The following IYD variants were observed in gnomAD, a reference collection of about 807,000 sequenced individuals.
IYD encodes the protein iodotyrosine deiodinase, also known as iodotyrosine deiodinase 1.
In IYD, 25 loss-of-function variants were observed where a neutral mutation model predicts 28.4. The ratio of observed to expected loss-of-function variants is 0.88; its 90% CI spans 0.64 to 1.23. IYD has a LOEUF of 1.23. Among genes scored for constraint, IYD ranks in the 50% most tolerant of loss-of-function variants. The pLI is 0.00. For synonymous variants in IYD, 140 were observed against 130.8 expected (o/e 1.07, Z -0.48); for missense variants, 352 against 357.9 (o/e 0.98, Z 0.13).
Position 150,400,005 on chromosome 6 carries a change from A to G in IYD, c.*1768A>G, listed in dbSNP as rs1042206059. ...GCATGCTGCTCGGTACATGGTTAAC[A>G]TTCATAAATGGTGGGGGCCCTTACT... is the stretch of plus-strand genomic sequence containing the variant. On this transcript the variant is annotated 3_prime_UTR_variant, in exon 5 of 5. Coordinates refer to ENST00000344419, the MANE Select transcript of IYD (RefSeq NM_203395.3). 1 of 152,200 alleles carries G rather than the reference A, an allele frequency of 6.6e-6. No individual in the cohort carries two copies. Among genetic ancestry groups the G allele is most frequent in the Non-Finnish European group, 1.5e-5 (1 of 68,062 alleles). The allele number at this position is 152,200 out of a possible 1,614,324, so 9.4% of individuals were successfully genotyped here. A position where few individuals can be genotyped will look rare whatever the true frequency, so the allele number is the denominator to read the frequency against.
Position 150,394,269 on chromosome 6 carries a change from T to A in IYD, c.687+14T>A. On this transcript the variant is annotated intron_variant, in intron 4 of 4. Transcript: ENST00000344419. ...GCTGCCCTGCAGGTATGTTGAGACATCAAGGGTTACAGGGTGGCCTTATTA... is the reference window on the plus strand; with the variant it reads ...GCTGCCCTGCAGGTATGTTGAGACAACAAGGGTTACAGGGTGGCCTTATTA... 1 of 1,614,090 alleles carries A rather than the reference T, an allele frequency of 6.2e-7. No individual in the cohort carries two copies. Among genetic ancestry groups the A allele is most frequent in the Non-Finnish European group, 8.5e-7 (1 of 1,179,930 alleles).
At position 150,401,608 on chromosome 6, in the gene IYD, T is replaced by C. The variant is rs1453663703; in HGVS notation, c.*3371T>C. The C allele has an allele frequency of 1.3e-5, 2 of 152,204 alleles. No homozygotes were observed. The highest frequency in any genetic ancestry group is 2.9e-5 in the Non-Finnish European group (2 of 68,072). 9.4% of individuals were successfully genotyped at this position (152,204 alleles called of 1,614,324 possible). A position where few individuals can be genotyped will look rare whatever the true frequency, so the allele number is the denominator to read the frequency against. ...AAAGTAAGGATAATTTTCTTCCTTC[T>C]CACTGCAGCCCCAAGCTCTTATTAA... On this transcript the variant is annotated 3_prime_UTR_variant, in exon 5 of 5. Transcript: ENST00000344419.
Position 150,389,414 on chromosome 6 carries a change from T to A in IYD, c.241T>A (p.Tyr81Asn), listed in dbSNP as rs767219657. ...VEHIPFSHNH[Y>N]PEKEMVKRSQ... ...ACACATCCCCTTCTCTCATAACCAC[T>A]ATCCTGAGAAGGAAATGGTTAAGAG... The change falls in exon 2 of 5, where the codon TAT (tyrosine) becomes AAT (asparagine). Residue 81 changes from tyrosine to asparagine, a missense_variant. By Grantham distance (143) the Tyr-to-Asn change is moderately radical. Transcript: ENST00000344419. 1.9e-6 allele frequency: 3 copies of A among 1,613,564 alleles called. No individual in the cohort carries two copies. Among genetic ancestry groups the A allele is most frequent in the African/African-American group, 2.7e-5 (2 of 74,890 alleles).
intron 2 of IYD, among the ~76,000 whole-genome samples, chr6:150,391,552 G>A (rs1468597200): frequency 6.6e-6 from 1 of 152,154 alleles, no homozygotes; most frequent in Non-Finnish European, 1.5e-5. Context: ...TAGAGAAGCA[G>A]AGGTGAGTTC....
rs368126186 is a variant in IYD, at chr6:150,403,949, TTAAAAA to T, written c.*5722_*5727del. ...CGCCAACTTCCTTCTACTCTAATAA[TTAAAAA>T]TAAAAATAATACTTGGGAGGTAACT... On this transcript the variant is annotated 3_prime_UTR_variant, in exon 5 of 5. Coordinates refer to ENST00000344419, the MANE Select transcript of IYD (RefSeq NM_203395.3). The T allele has an allele frequency of 2.7e-5, 3 of 112,324 alleles. No homozygotes were observed. Among genetic ancestry groups the T allele is most frequent in the African/African-American group, 5.3e-5 (2 of 37,506 alleles). The allele number at this position is 112,324 out of a possible 1,614,324, so 7.0% of individuals were successfully genotyped here. A position where few individuals can be genotyped will look rare whatever the true frequency, so the allele number is the denominator to read the frequency against.
Position 150,389,547 on chromosome 6 carries a change from T to C in IYD, c.370+4T>C. The C allele has an allele frequency of 6.2e-7, 1 of 1,613,072 alleles. No individual in the cohort carries two copies. The highest frequency in any genetic ancestry group is 8.5e-7 in the Non-Finnish European group (1 of 1,179,092). Reference sequence around the variant, plus strand: ...GATAATGTCATCAGAACGGCAGGTTTGTAATTGCAGATGGGGTCTTTGGAA... The same window carrying C: ...GATAATGTCATCAGAACGGCAGGTTCGTAATTGCAGATGGGGTCTTTGGAA... On this transcript the variant is annotated splice_donor_region_variant and intron_variant, in intron 2 of 4. Coordinates refer to ENST00000344419, the MANE Select transcript of IYD (RefSeq NM_203395.3).
chr6:150,380,204 T>G (rs1225558721), intron 1 of IYD, among the ~76,000 whole-genome samples: 1 of 152,202 alleles, frequency 6.6e-6, no homozygotes, highest in Non-Finnish European at 1.5e-5. Flanking sequence ...TACATAGTAT[T>G]TGGTGTTTTG....
At chr6:150,371,370 G>C (rs184075610) in intron 1 of IYD, among the ~76,000 whole-genome samples, 1 of 152,180 alleles carries the variant, frequency 6.6e-6, no homozygotes, top group Admixed American at 6.5e-5. Context: ...TGTTTGCTGG[G>C]CTGCCTCTCC....
At position 150,401,764 on chromosome 6, in the gene IYD, G is replaced by A. The variant is rs1238032735; in HGVS notation, c.*3527G>A. On this transcript the variant is annotated 3_prime_UTR_variant, in exon 5 of 5. Coordinates refer to ENST00000344419, the MANE Select transcript of IYD (RefSeq NM_203395.3). ...AAACCAAAAAAATAATGGAATGATT[G>A]CATCACTGCGAGGAAGTATACTTAA... 1 of 152,196 alleles carries A rather than the reference G, an allele frequency of 6.6e-6. No individual in the cohort carries two copies. Among genetic ancestry groups the A allele is most frequent in the Admixed American group, 6.5e-5 (1 of 15,274 alleles). The allele number at this position is 152,196 out of a possible 1,614,324, so 9.4% of individuals were successfully genotyped here. A position where few individuals can be genotyped will look rare whatever the true frequency, so the allele number is the denominator to read the frequency against.
chr6:150,370,348 CACGTGTGTGCATGAGTGTGT>C, intron 1 of IYD: 1 of 249,342 alleles, frequency 4.0e-6, no homozygotes, highest in Non-Finnish European at 6.3e-6. Context: ...TGTGAGTGTG[CACGTGTGTGCATGAGTGTGT>C]GTGAGCATGC....
chr6:150,389,329 A>G (rs1054142316), intron 1 of IYD, 23 bp from the exon 2 acceptor site: 1 of 1,593,168 alleles, frequency 6.3e-7, no homozygotes, highest in Non-Finnish European at 8.6e-7. Context: ...TTAGTTTGTT[A>G]CCTTTCTTAT....
chr6:150,373,669 T>C (rs1276405371), intron 1 of IYD, among the ~76,000 whole-genome samples: 2 of 152,212 alleles, frequency 1.3e-5, no homozygotes, highest in African/African-American at 2.4e-5. Context: ...TACTGGCAAG[T>C]GCTATGAATC....
At chr6:150,379,577 GCTTT>G (rs2115026111) in intron 1 of IYD, among the ~76,000 whole-genome samples, 1 of 152,304 alleles carries the variant, frequency 6.6e-6, no homozygotes, top group Admixed American at 6.5e-5. Flanking sequence ...TACATTTGCT[GCTTT>G]GTTTAAATAT....
rs74454734 is a variant in IYD, at chr6:150,372,097, T to C, written c.178+2888T>C. Reference sequence around the variant, plus strand: ...GCAAATAGATACCAGATTGAAACCATTTTTAATATTAACAAGGTATTAAAT... The same window carrying C: ...GCAAATAGATACCAGATTGAAACCACTTTTAATATTAACAAGGTATTAAAT... On this transcript the variant is annotated intron_variant, in intron 1 of 4. Coordinates refer to ENST00000344419, the MANE Select transcript of IYD (RefSeq NM_203395.3). Among the ~76,000 whole-genome samples, 933 of 152,324 alleles carry C rather than the reference T, an allele frequency of 6.1e-3. 6 individuals are homozygous for C. Among genetic ancestry groups the C allele is most frequent in the African/African-American group, 0.021 (871 of 41,568 alleles).
At chr6:150,374,608 T>C (rs1200863490) in intron 1 of IYD, among the ~76,000 whole-genome samples, 7 of 152,184 alleles carry the variant, frequency 4.6e-5, no homozygotes, top group African/African-American at 1.4e-4. Flanking sequence ...CTGAGACTTA[T>C]TCACTACCAC....
In IYD at chr6:150,400,713, C is replaced by A. The variant is rs906516893; in HGVS notation, c.*2476C>A. ...TGTATCATCATTGGGACCACCTGGG[C>A]GCTTGTTAGAATCAAAGACTCTCAG... On this transcript the variant is annotated 3_prime_UTR_variant, in exon 5 of 5. Coordinates refer to ENST00000344419, the MANE Select transcript of IYD (RefSeq NM_203395.3). 1 of 152,154 alleles carries A rather than the reference C, an allele frequency of 6.6e-6. No homozygotes were observed. The highest frequency in any genetic ancestry group is 2.4e-5 in the African/African-American group (1 of 41,428). The allele number at this position is 152,154 out of a possible 1,614,324, so 9.4% of individuals were successfully genotyped here. A position where few individuals can be genotyped will look rare whatever the true frequency, so the allele number is the denominator to read the frequency against.
chr6:150,403,427 G>A lies in IYD; in HGVS notation c.*5190G>A, dbSNP rs79039145. 0.019 allele frequency: 2,958 copies of A among 152,292 alleles called. 77 individuals are homozygous for A. The highest frequency in any genetic ancestry group is 0.064 in the African/African-American group (2,648 of 41,548). The allele number at this position is 152,292 out of a possible 1,614,324, so 9.4% of individuals were successfully genotyped here. On this transcript the variant is annotated 3_prime_UTR_variant, in exon 5 of 5. Coordinates refer to ENST00000344419, the MANE Select transcript of IYD (RefSeq NM_203395.3). ...CTGCCCCACTCAGCCCACAAAATAG[G>A]CTGGACACTCAAAAAACGTTGCGTT...
chr6:150,372,750 GTGTA>G (rs200825584), intron 1 of IYD, among the ~76,000 whole-genome samples: 4 of 52,474 alleles, frequency 7.6e-5, no homozygotes, highest in African/African-American at 3.2e-4. Flanking sequence ...TGTTATACAT[GTGTA>G]TGTGTGTGTG....
At chr6:150,381,999 C>A (rs1176470610) in intron 1 of IYD, among the ~76,000 whole-genome samples, 1 of 152,178 alleles carries the variant, frequency 6.6e-6, no homozygotes, top group African/African-American at 2.4e-5. Context: ...CAAGCAATTG[C>A]AGAGTCATGG....
Sources: allele counts gnomAD v4.1 joint callset (sites outside exome capture counted in the v4.1 genomes callset), GRCh38; gene constraint gnomAD v4.1.1; transcripts MANE v1.5; gene names NCBI Gene and HGNC (gene_info 2026-07-23, HGNC 2026-07-21).